Variants in SLC4A10 observed in about 807,000 individuals in gnomAD.
SLC4A10 encodes the protein sodium-driven chloride bicarbonate exchanger.
In SLC4A10, 42 loss-of-function variants were observed where a neutral mutation model predicts 137.7. The observed-to-expected ratio is 0.30, with a 90% CI of 0.24 to 0.39. The LOEUF is 0.39. SLC4A10 is among the 10% of genes least tolerant of loss of function. SLC4A10 has a pLI of 1.00. For synonymous variants in SLC4A10, 474 were observed against 464.1 expected (o/e 1.02, Z -0.27); for missense variants, 925 against 1,355.0 (o/e 0.68, Z 4.98).
At chr2:161,966,369 T>A (rs940253707) in intron 23 of SLC4A10, among the ~76,000 whole-genome samples, 8 of 152,198 alleles carry the variant, frequency 5.3e-5, no homozygotes, top group Non-Finnish European at 1.2e-4. Context: ...GTAATATTAA[T>A]GTTAACACAA....
At chr2:161,945,132 T>A (rs1325547050) in intron 16 of SLC4A10, among the ~76,000 whole-genome samples, 1 of 144,654 alleles carries the variant, frequency 6.9e-6, no homozygotes, top group African/African-American at 2.5e-5. Context: ...AGTTTCATCT[T>A]ACTATTTAAT....
intron 1 of SLC4A10, among the ~76,000 whole-genome samples, chr2:161,765,657 T>A (rs1191118995): frequency 6.6e-6 from 1 of 151,720 alleles, no homozygotes; most frequent in Admixed American, 6.6e-5. Flanking sequence ...GGGTAGATTG[T>A]ATTAAGGGGC....
intron 2 of SLC4A10, among the ~76,000 whole-genome samples, chr2:161,782,771 C>T (rs2053190961): frequency 6.9e-6 from 1 of 145,614 alleles, no homozygotes; most frequent in Admixed American, 7.0e-5. Context: ...AACTTAAGGA[C>T]AGGCCATTGG....
chr2:161,969,392 A>G (rs1259808854), intron 23 of SLC4A10, among the ~76,000 whole-genome samples: 2 of 152,202 alleles, frequency 1.3e-5, no homozygotes, highest in South Asian at 2.1e-4. Flanking sequence ...GTAGAAATGA[A>G]TATTGGAACC....
rs1043998532 is a variant in SLC4A10 at position 161,791,022 on chromosome 2, C to T, written c.131-13427C>T. Among the ~76,000 whole-genome samples, 6 of 152,046 alleles carry T rather than the reference C, an allele frequency of 3.9e-5. No homozygotes were observed. In the South Asian group the frequency reaches 6.2e-4, roughly 16 times the overall value. The stretch of plus-strand genomic sequence containing the variant: ...GATTCCTTTACACTATTGGTGGAAA[C>T]GTAAATTAGTTCAACCATTGTGGAA... On this transcript the variant is annotated intron_variant, in intron 2 of 26. Transcript: ENST00000446997.
At chr2:161,701,452 T>C (rs1053938166) in intron 1 of SLC4A10, among the ~76,000 whole-genome samples, 9 of 151,998 alleles carry the variant, frequency 5.9e-5, no homozygotes, top group African/African-American at 2.2e-4. Flanking sequence ...TTGTAATTGA[T>C]ATATAATAGT....
chr2:161,757,294 T>C (rs945410354), intron 1 of SLC4A10, among the ~76,000 whole-genome samples: 4 of 152,166 alleles, frequency 2.6e-5, no homozygotes, highest in Non-Finnish European at 5.9e-5. Flanking sequence ...TTGATTCAAA[T>C]CCTGACATTG....
At chr2:161,898,842 A>G (rs2063787552) in intron 11 of SLC4A10, among the ~76,000 whole-genome samples, 1 of 152,096 alleles carries the variant, frequency 6.6e-6, no homozygotes, top group Non-Finnish European at 1.5e-5. Context: ...GGTCTCACAT[A>G]AATTCATGAC....
intron 1 of SLC4A10, among the ~76,000 whole-genome samples, chr2:161,717,609 C>T (rs185593755): frequency 7.2e-5 from 11 of 152,026 alleles, no homozygotes; most frequent in East Asian, 1.9e-4. Context: ...GATTTGCATA[C>T]GCTGAACCAC....
chr2:161,651,894 A>G (rs1373859688), intron 1 of SLC4A10, among the ~76,000 whole-genome samples: 1 of 152,184 alleles, frequency 6.6e-6, no homozygotes, highest in Non-Finnish European at 1.5e-5. Context: ...GGGCAGAATG[A>G]TCCCAGTGGA....
intron 19 of SLC4A10, among the ~76,000 whole-genome samples, chr2:161,952,882 C>T (rs916336479): frequency 6.6e-5 from 10 of 152,144 alleles, no homozygotes; most frequent in African/African-American, 1.4e-4. Flanking sequence ...CTCAGAGTAA[C>T]GGTTTGTTCC....
At chr2:161,749,478 T>C (rs2048724208) in intron 1 of SLC4A10, among the ~76,000 whole-genome samples, 1 of 152,040 alleles carries the variant, frequency 6.6e-6, no homozygotes, top group Non-Finnish European at 1.5e-5. Flanking sequence ...GATGTTGATT[T>C]TGTCAAATAT....
intron 15 of SLC4A10, among the ~76,000 whole-genome samples, chr2:161,910,666 A>G (rs1002319579): frequency 1.3e-5 from 2 of 152,106 alleles, no homozygotes; most frequent in Non-Finnish European, 2.9e-5. Context: ...GTGAAATAAA[A>G]TATAATGATT....
At chr2:161,717,596 A>G (rs772630576) in intron 1 of SLC4A10, among the ~76,000 whole-genome samples, 2 of 152,154 alleles carry the variant, frequency 1.3e-5, no homozygotes, top group African/African-American at 4.8e-5. Context: ...AATTATGTAT[A>G]TTGATTTGCA....
intron 3 of SLC4A10, among the ~76,000 whole-genome samples, chr2:161,816,456 G>A (rs535198517): frequency 3.3e-5 from 5 of 151,958 alleles, no homozygotes; most frequent in Non-Finnish European, 7.4e-5. Context: ...ACGATTTTTG[G>A]AAAAACGTTT....
At chr2:161,812,968 T>A (rs1419411005) in intron 3 of SLC4A10, among the ~76,000 whole-genome samples, 2 of 152,140 alleles carry the variant, frequency 1.3e-5, no homozygotes, top group Non-Finnish European at 2.9e-5. Flanking sequence ...GTTTTGCTGT[T>A]GCATTTTTAG....
intron 5 of SLC4A10, among the ~76,000 whole-genome samples, chr2:161,861,975 T>C (rs1199436568): frequency 6.6e-6 from 1 of 152,254 alleles, no homozygotes; most frequent in African/African-American, 2.4e-5. Context: ...CATTGTAATC[T>C]GCTTTACATA....
At chr2:161,707,497 T>C (rs1158130860) in intron 1 of SLC4A10, among the ~76,000 whole-genome samples, 1 of 151,272 alleles carries the variant, frequency 6.6e-6, no homozygotes, top group Non-Finnish European at 1.5e-5. Context: ...TCTTTAGTTA[T>C]AAAACACAAC....
chr2:161,955,451 G>T (rs1035085129), intron 19 of SLC4A10, among the ~76,000 whole-genome samples: 1 of 152,098 alleles, frequency 6.6e-6, no homozygotes, highest in Non-Finnish European at 1.5e-5. Flanking sequence ...TATTCATTCA[G>T]GAAATTGAGT....
Sources: gnomAD v4.1 joint callset for allele counts (sites outside exome capture counted in the v4.1 genomes callset) on GRCh38, gnomAD v4.1.1 for gene constraint, MANE v1.5 for transcripts, NCBI Gene and HGNC (gene_info 2026-07-23, HGNC 2026-07-21) for gene names.